Variants in ZNF611 observed in about 807,000 individuals in gnomAD.
ZNF611 encodes the protein zinc finger protein 611.
Under a neutral mutation model 8.9 loss-of-function variants are expected in ZNF611, and 6 were observed. The ratio of observed to expected loss-of-function variants is 0.68; its 90% CI spans 0.37 to 1.34. The LOEUF (loss-of-function observed/expected upper bound fraction) is 1.34. Ranked by LOEUF, ZNF611 falls within the 40% of genes most tolerant of loss-of-function variation. The pLI is 0.02. For synonymous variants in ZNF611, 262 were observed against 279.7 expected (o/e 0.94, Z 0.63); for missense variants, 874 against 841.3 (o/e 1.04, Z -0.48).
In ZNF611 at chr19:52,705,261, C is replaced by G; in HGVS notation, c.1794G>C (p.Glu598Asp). 6.2e-7 allele frequency: 1 copy of G among 1,614,070 alleles called. No individual in the cohort carries two copies. Among genetic ancestry groups the G allele is most frequent in the South Asian group, 1.1e-5 (1 of 91,070 alleles). Reference protein sequence around the residue: ...HSGEKPYKCNECSKTFSRRSS... With the variant: ...HSGEKPYKCNDCSKTFSRRSS... ...ACCTGCGACTGAAGGTCTTGCTGCA[C>G]TCATTACACTTGTAAGGTTTCTCAC... Residue 598 changes from glutamate (E) to aspartate (D), a missense_variant, in exon 6 of 6, where the codon GAG becomes GAC. Coordinates refer to ENST00000652185, the MANE Select transcript of ZNF611 (RefSeq NM_001161499.2).
chr19:52,705,976 T>C lies in ZNF611; in HGVS notation c.1079A>G (p.His360Arg). 1 of 1,614,188 alleles carries C rather than the reference T, an allele frequency of 6.2e-7. No homozygotes were observed. The highest frequency in any genetic ancestry group is 8.5e-7 in the Non-Finnish European group (1 of 1,180,026). The change falls in exon 6 of 6, where the codon CAT (histidine) becomes CGT (arginine). Residue 360 changes from histidine to arginine, a missense_variant. His to Arg is a conservative substitution (Grantham distance 29, BLOSUM62 0). Transcript: ENST00000652185. ...KAFNQQSQLS[H>R]HRIHTGEKPY... Reference sequence around the variant, plus strand: ...TTTCTCTCCAGTATGAATTCTATGATGTGAAAGTTGTGATTGTTGATTAAA... The same window carrying C: ...TTTCTCTCCAGTATGAATTCTATGACGTGAAAGTTGTGATTGTTGATTAAA...
chr19:52,712,194 A>G lies in ZNF611; in HGVS notation c.190+1821T>C, dbSNP rs113254349. Among the ~76,000 whole-genome samples, 303 of 152,210 alleles carry G rather than the reference A, an allele frequency of 2.0e-3. 1 individual carries two copies. The highest frequency in any genetic ancestry group is 6.1e-3 in the African/African-American group (254 of 41,532). ...GTACTCAACAAAATCCTCTGTGTAG[A>G]TTCCAGAAATGCATACAAACACACA... On this transcript the variant is annotated intron_variant, in intron 5 of 5. Coordinates refer to ENST00000652185, the MANE Select transcript of ZNF611 (RefSeq NM_001161499.2).
intron 5 of ZNF611, chr19:52,708,080 A>AG (rs1476336128): frequency 2.0e-5 from 3 of 152,248 alleles, no homozygotes; most frequent in African/African-American, 4.8e-5. Context: ...TACAGCCTGC[A>AG]GAATTCTAAA....
rs920079301 is a variant in ZNF611, at chr19:52,702,952, A to G, written c.*1985T>C. 1.3e-5 allele frequency: 2 copies of G among 152,194 alleles called. No homozygotes were observed. The highest frequency in any genetic ancestry group is 4.8e-5 in the African/African-American group (2 of 41,452). 9.4% of individuals were successfully genotyped at this position (152,194 alleles called of 1,614,324 possible). ...AGAAAGCATGCAGACATTGATATGAACTGGATGCAACTAATTTAAAACAGC... is the reference window on the plus strand; with the variant it reads ...AGAAAGCATGCAGACATTGATATGAGCTGGATGCAACTAATTTAAAACAGC... On this transcript the variant is annotated 3_prime_UTR_variant, in exon 6 of 6. Transcript: ENST00000652185.
chr19:52,715,783 T>A, intron 4 of ZNF611, 49 bp downstream of exon 4: 1 of 1,602,188 alleles, frequency 6.2e-7, no homozygotes, highest in Non-Finnish European at 8.5e-7. Context: ...ATACCTGGCA[T>A]TTCAGAAACG....
In ZNF611 at chr19:52,710,187, G is replaced by A. The variant is rs552650261; in HGVS notation, c.191-3323C>T. 4.6e-5 allele frequency among the ~76,000 whole-genome samples: 7 copies of A among 151,172 alleles called. No individual in the cohort carries two copies. The South Asian group carries it at 1.3e-3, about 27-fold the overall frequency. On this transcript the variant is annotated intron_variant, in intron 5 of 5. Transcript: ENST00000652185. Reference sequence around the variant, plus strand: ...AGATTCTCATGCCTCAGCCTCTTGAGTAGCAGGGAGTACAGACACATGCCA... The same window carrying A: ...AGATTCTCATGCCTCAGCCTCTTGAATAGCAGGGAGTACAGACACATGCCA...
At chr19:52,714,213 T>A (rs1169829086) in intron 4 of ZNF611, 72 bp from the exon 5 acceptor site, 59 of 1,578,538 alleles carry the variant, frequency 3.7e-5, no homozygotes, top group South Asian at 2.4e-4. Flanking sequence ...AAATGAGAAA[T>A]GAGAAAATAA....
In ZNF611 at chr19:52,704,408, C is replaced by A; in HGVS notation, c.*529G>T. ...TGTCTAATGACGTGTGAACGTGAAG[C>A]AAAGGCTTTGCCACAATCATCACAC... On this transcript the variant is annotated 3_prime_UTR_variant, in exon 6 of 6. Coordinates refer to ENST00000652185, the MANE Select transcript of ZNF611 (RefSeq NM_001161499.2). 1 of 681,900 alleles carries A rather than the reference C, an allele frequency of 1.5e-6. No individual in the cohort carries two copies. Among genetic ancestry groups the A allele is most frequent in the Admixed American group, 1.9e-5 (1 of 51,946 alleles). The allele number at this position is 681,900 out of a possible 1,614,324, so 42.2% of individuals were successfully genotyped here.
intron 5 of ZNF611, among the ~76,000 whole-genome samples, chr19:52,713,541 T>C (rs2062294146): frequency 6.6e-6 from 1 of 152,086 alleles, no homozygotes; most frequent in Non-Finnish European, 1.5e-5. Context: ...TGATCATTAG[T>C]TTATGGGATG....
intron 3 of ZNF611, among the ~76,000 whole-genome samples, chr19:52,719,164 A>G (rs1160148455): frequency 6.6e-6 from 1 of 152,184 alleles, no homozygotes; most frequent in African/African-American, 2.4e-5. Flanking sequence ...GAAAGACTCC[A>G]TCTCAAAAAG....
chr19:52,731,578 A>G (rs2062425978), intron 1 of ZNF611, among the ~76,000 whole-genome samples: 1 of 151,754 alleles, frequency 6.6e-6, no homozygotes, highest in Non-Finnish European at 1.5e-5. Context: ...TCTGTTGGCC[A>G]GGCTGGTATC....
At chr19:52,720,355 T>A (rs2062347294) in intron 3 of ZNF611, among the ~76,000 whole-genome samples, 1 of 151,940 alleles carries the variant, frequency 6.6e-6, no homozygotes, top group African/African-American at 2.4e-5. Context: ...GCCCCCCACC[T>A]CCCCGACGGG....
Position 52,706,771 on chromosome 19 carries a change from C to T in ZNF611, c.284G>A (p.Ser95Asn), listed in dbSNP as rs377044742. 2.8e-5 allele frequency: 45 copies of T among 1,614,112 alleles called. No individual in the cohort carries two copies. The African/African-American group carries it at 5.3e-4, about 19-fold the overall frequency. The change falls in exon 6 of 6, where the codon AGT (serine) becomes AAT (asparagine). Residue 95 changes from serine (S) to asparagine (N), a missense_variant. Ser to Asn is a conservative substitution (Grantham distance 46). Coordinates refer to ENST00000652185, the MANE Select transcript of ZNF611 (RefSeq NM_001161499.2). ...GAAGCAAAAATCTCCAATGTGATGA[C>T]TTTCATGTCTTTGCAATGTCCCTGT... is the stretch of plus-strand genomic sequence containing the variant. ...IHTGTLQRHE[S>N]HHIGDFCFQE...
intron 5 of ZNF611, among the ~76,000 whole-genome samples, chr19:52,709,185 G>A (rs904196584): frequency 1.3e-5 from 2 of 152,192 alleles, no homozygotes; most frequent in African/African-American, 4.8e-5. Context: ...AGAGAGTTTT[G>A]TAATGGGTGT....
At chr19:52,709,277 T>A (rs2062264711) in intron 5 of ZNF611, among the ~76,000 whole-genome samples, 1 of 152,134 alleles carries the variant, frequency 6.6e-6, no homozygotes, top group Non-Finnish European at 1.5e-5. Context: ...TTTATTTTTA[T>A]TTATTTATTT....
chr19:52,734,697 G>T (rs2062446956), intron 1 of ZNF611, among the ~76,000 whole-genome samples: 1 of 152,248 alleles, frequency 6.6e-6, no homozygotes, highest in African/African-American at 2.4e-5. Flanking sequence ...AATCCACATC[G>T]CGGGTGAAGA....
chr19:52,706,458 C>T lies in ZNF611; in HGVS notation c.597G>A (p.Arg199=), dbSNP rs750311214. The change falls in exon 6 of 6, where the codon AGG becomes AGA. Residue 199 remains arginine (R), a synonymous_variant. Transcript: ENST00000652185. ...SVSTFQRISC[R]PQTQISNNYG... The stretch of plus-strand genomic sequence containing the variant: ...AGTTATTAGAAATCTGGGTTTGGGG[C>T]CTACAGGAAATTCTTTGGAATGTTG... 6.2e-7 allele frequency: 1 copy of T among 1,614,030 alleles called. No homozygotes were observed. Among genetic ancestry groups the T allele is most frequent in the East Asian group, 2.2e-5 (1 of 44,876 alleles).
At chr19:52,727,558 T>C (rs2147446076) in intron 3 of ZNF611, among the ~76,000 whole-genome samples, 1 of 152,248 alleles carries the variant, frequency 6.6e-6, no homozygotes, top group South Asian at 2.1e-4. Flanking sequence ...ACACTAACCC[T>C]AACACAAAAA....
intron 3 of ZNF611, among the ~76,000 whole-genome samples, chr19:52,718,011 A>G (rs1377707786): frequency 6.6e-6 from 1 of 152,188 alleles, no homozygotes; most frequent in Non-Finnish European, 1.5e-5. Context: ...ATCTAATGAA[A>G]TCTTGGGTCA....
Sources: allele counts gnomAD v4.1 joint callset (sites outside exome capture counted in the v4.1 genomes callset), GRCh38; gene constraint gnomAD v4.1.1; transcripts MANE v1.5; gene names NCBI Gene and HGNC (gene_info 2026-07-23, HGNC 2026-07-21).